RNF150: variants seen among roughly 807,000 people sequenced by gnomAD.
RNF150 encodes the protein ring finger protein 150.
Under a neutral mutation model 39.3 loss-of-function variants are expected in RNF150, and 24 were observed. That is an observed-to-expected ratio of 0.61 (90% CI 0.44 to 0.86). RNF150 has a LOEUF of 0.86. Among genes scored for constraint, RNF150 ranks in the 40% least tolerant of loss-of-function variants. The pLI is 0.00. For synonymous variants in RNF150, 255 were observed against 227.3 expected (o/e 1.12, Z -1.10); for missense variants, 502 against 587.8 (o/e 0.85, Z 1.51).
intron 1 of RNF150, 66 bp from the exon 2 acceptor site, chr4:140,967,939 GAT>G: frequency 7.0e-7 from 1 of 1,432,284 alleles, no homozygotes; most frequent in Non-Finnish European, 9.7e-7. Context: ...ATCCCAGTGA[GAT>G]GTGTGGACAC....
chr4:140,926,630 C>T (rs1443475864), intron 4 of RNF150, among the ~76,000 whole-genome samples: 1 of 152,176 alleles, frequency 6.6e-6, no homozygotes, highest in East Asian at 1.9e-4. Flanking sequence ...TGGGGTTTCA[C>T]GTAGGTAGCC....
At chr4:141,056,711 G>T (rs376613970) in intron 1 of RNF150, among the ~76,000 whole-genome samples, 1 of 151,682 alleles carries the variant, frequency 6.6e-6, no homozygotes, top group African/African-American at 2.4e-5. Context: ...ACATGAAGGC[G>T]TGAGGGAAAA....
At position 140,866,325 on chromosome 4, in the gene RNF150, C is replaced by T. The variant is rs1395594383; in HGVS notation, c.*1936G>A. On this transcript the variant is annotated 3_prime_UTR_variant, in exon 7 of 7. Transcript: ENST00000515673. Reference sequence around the variant, plus strand: ...TCCCACAGCCAGAGGAGCTTGGGGACTCATGTTATTAAACCCTTCACATTA... The same window carrying T: ...TCCCACAGCCAGAGGAGCTTGGGGATTCATGTTATTAAACCCTTCACATTA... 6.6e-6 allele frequency: 1 copy of T among 152,186 alleles called. No homozygotes were observed. Among genetic ancestry groups the T allele is most frequent in the Non-Finnish European group, 1.5e-5 (1 of 68,034 alleles). 9.4% of individuals were successfully genotyped at this position (152,186 alleles called of 1,614,324 possible). A position where few individuals can be genotyped will look rare whatever the true frequency, so the allele number is the denominator to read the frequency against.
intron 1 of RNF150, among the ~76,000 whole-genome samples, chr4:141,146,467 A>G (rs889190054): frequency 6.6e-6 from 1 of 152,214 alleles, no homozygotes; most frequent in Non-Finnish European, 1.5e-5. Context: ...ATCCCATAAC[A>G]TGAGCCAACT....
At chr4:140,905,340 T>C (rs2111259342) in intron 6 of RNF150, among the ~76,000 whole-genome samples, 1 of 152,286 alleles carries the variant, frequency 6.6e-6, no homozygotes, top group African/African-American at 2.4e-5. Context: ...TAGGAACTAA[T>C]TCTCTTGCAC....
At chr4:141,153,375 A>G (rs1042783944) in intron 1 of RNF150, among the ~76,000 whole-genome samples, 3 of 152,158 alleles carry the variant, frequency 2.0e-5, no homozygotes, top group African/African-American at 7.2e-5. Context: ...GTCCCTAAAG[A>G]AAGAGTAAGT....
At chr4:141,113,827 C>A (rs1018049952) in intron 1 of RNF150, among the ~76,000 whole-genome samples, 1 of 152,180 alleles carries the variant, frequency 6.6e-6, no homozygotes. Flanking sequence ...GTCTCTCAGA[C>A]CACCGTGCAA....
chr4:140,999,658 C>T (rs73858693), intron 1 of RNF150, among the ~76,000 whole-genome samples: 5 of 152,068 alleles, frequency 3.3e-5, no homozygotes, highest in Admixed American at 6.5e-5. Context: ...TTCCAGGCCA[C>T]GTGCGGCGGC....
At chr4:141,180,884 C>T (rs577799725) in intron 1 of RNF150, among the ~76,000 whole-genome samples, 1 of 152,080 alleles carries the variant, frequency 6.6e-6, no homozygotes. Flanking sequence ...ATGTTTACAC[C>T]AGGTTACAGT....
intron 4 of RNF150, among the ~76,000 whole-genome samples, chr4:140,947,402 C>T (rs1732360200): frequency 6.6e-6 from 1 of 152,136 alleles, no homozygotes; most frequent in African/African-American, 2.4e-5. Context: ...CTCATGAAGT[C>T]CTAGTTCATA....
At chr4:140,870,235 G>A (rs1728874606) in intron 6 of RNF150, among the ~76,000 whole-genome samples, 1 of 152,132 alleles carries the variant, frequency 6.6e-6, no homozygotes, top group East Asian at 1.9e-4. Context: ...ACAATTGCAG[G>A]AAGTTCATAG....
intron 1 of RNF150, among the ~76,000 whole-genome samples, chr4:141,014,987 G>C (rs1036103983): frequency 4.6e-5 from 7 of 151,860 alleles, no homozygotes; most frequent in Non-Finnish European, 1.0e-4. Context: ...GTTTTTAGCT[G>C]ATTTTTTTGA....
At chr4:141,131,064 T>C (rs1726881009) in intron 1 of RNF150, among the ~76,000 whole-genome samples, 1 of 152,218 alleles carries the variant, frequency 6.6e-6, no homozygotes, top group Admixed American at 6.5e-5. Flanking sequence ...CAAATTTCCC[T>C]GACTAAAACA....
intron 1 of RNF150, among the ~76,000 whole-genome samples, chr4:141,145,773 C>T (rs1021329585): frequency 2.6e-5 from 4 of 152,218 alleles, no homozygotes; most frequent in African/African-American, 9.6e-5. Flanking sequence ...AGAAGTCTCT[C>T]ATGGGTCAGG....
At chr4:140,922,831 C>G (rs578173815) in intron 5 of RNF150, among the ~76,000 whole-genome samples, 20 of 151,244 alleles carry the variant, frequency 1.3e-4, no homozygotes, top group African/African-American at 4.9e-4. Context: ...CTACAACTAT[C>G]TGATCTTTGA....
At chr4:141,014,500 C>T (rs961903585) in intron 1 of RNF150, among the ~76,000 whole-genome samples, 5 of 152,182 alleles carry the variant, frequency 3.3e-5, no homozygotes, top group South Asian at 2.1e-4. Flanking sequence ...CTCTCCAACA[C>T]GTTATCTTTC....
intron 5 of RNF150, among the ~76,000 whole-genome samples, chr4:140,918,599 C>T (rs536172025): frequency 5.9e-5 from 9 of 151,998 alleles, no homozygotes; most frequent in Non-Finnish European, 1.0e-4. Context: ...CGAATTCTAC[C>T]AGAGGTACAA....
chr4:141,022,515 G>A (rs573919080), intron 1 of RNF150, among the ~76,000 whole-genome samples: 1 of 152,256 alleles, frequency 6.6e-6, no homozygotes, highest in Admixed American at 6.5e-5. Flanking sequence ...GCCAGTTACA[G>A]CTCATTTCTC....
At chr4:141,159,167 C>T (rs1578772618) in intron 1 of RNF150, among the ~76,000 whole-genome samples, 1 of 152,112 alleles carries the variant, frequency 6.6e-6, no homozygotes, top group African/African-American at 2.4e-5. Flanking sequence ...GGTCAGTAAA[C>T]TTTCTCTGTA....
Sources: gnomAD v4.1 joint callset for allele counts (sites outside exome capture counted in the v4.1 genomes callset) on GRCh38, gnomAD v4.1.1 for gene constraint, MANE v1.5 for transcripts, NCBI Gene and HGNC (gene_info 2026-07-23, HGNC 2026-07-21) for gene names.